PI4KA: variants seen among roughly 807,000 people sequenced by gnomAD.
PI4KA encodes phosphatidylinositol 4-kinase alpha.
In PI4KA, 122 loss-of-function variants were observed where a neutral mutation model predicts 271.4. That is an observed-to-expected ratio of 0.45 (90% CI 0.39 to 0.52). The LOEUF is 0.52. Among genes scored for constraint, PI4KA ranks in the 20% least tolerant of loss-of-function variants. PI4KA has a pLI of 0.00. For synonymous variants in PI4KA, 1,041 were observed against 1,078.8 expected (o/e 0.96, Z 0.69); for missense variants, 1,969 against 2,769.1 (o/e 0.71, Z 6.48).
chr22:20,713,297 C>G lies in PI4KA; in HGVS notation c.5555G>C (p.Gly1852Ala), dbSNP rs1741875901. 1 of 1,589,680 alleles carries G rather than the reference C, an allele frequency of 6.3e-7. No homozygotes were observed. The highest frequency in any genetic ancestry group is 8.6e-7 in the Non-Finnish European group (1 of 1,166,630). Residue 1852 changes from glycine (G) to alanine (A), a missense_variant, in exon 48 of 55, where the codon GGA becomes GCA. Coordinates refer to ENST00000255882, the MANE Select transcript of PI4KA (RefSeq NM_058004.4). ...CCTGCTTACCTGCCGGCAGTCGTCT[C>G]CCACCTTGAAGATGGCTGCCTGCCA... Reference protein sequence around the residue: ...ISWQAAIFKVGDDCRQDMLAL... With the variant: ...ISWQAAIFKVADDCRQDMLAL...
intron 19 of PI4KA, among the ~76,000 whole-genome samples, chr22:20,791,109 C>G (rs118185464): frequency 6.6e-6 from 1 of 152,150 alleles, no homozygotes; most frequent in Non-Finnish European, 1.5e-5. Context: ...CCAACCTCAC[C>G]ACTCACTGCT....
In PI4KA at chr22:20,709,961, G is replaced by T. The variant is rs143501359; in HGVS notation, c.6120C>A (p.Leu2040=). The T allele has an allele frequency of 1.9e-6, 3 of 1,613,612 alleles. No individual in the cohort carries two copies. The highest frequency in any genetic ancestry group is 2.7e-5 in the African/African-American group (2 of 74,900). The change falls in exon 53 of 55, where the codon CTC becomes CTA. Residue 2040 remains leucine (L), a synonymous_variant. Transcript: ENST00000255882. ...AACAGGGCAGGCCCGTGTCCAACAT[G>T]AGAGTGACCAGGGAGACGACCGCGT... The part of the protein sequence containing the change: ...YMDAVVSLVT[L]MLDTGLPCFR...
rs117311435 is a variant in PI4KA at position 20,779,094 on chromosome 22, T to C, written c.2329-13401A>G. The C allele has an allele frequency of 6.0e-3, 7,286 of 1,217,052 alleles. 63 individuals are homozygous for C. Among genetic ancestry groups the C allele is most frequent in the East Asian group, 0.048 (1,814 of 37,846 alleles). The allele number at this position is 1,217,052 out of a possible 1,614,324, so 75.4% of individuals were successfully genotyped here. ...CATCAAGGGGCCCACAGATCCTTCATTGAGGTTTATGAGTCCCACATCAAA... is the reference window on the plus strand; with the variant it reads ...CATCAAGGGGCCCACAGATCCTTCACTGAGGTTTATGAGTCCCACATCAAA... On this transcript the variant is annotated intron_variant, in intron 19 of 54. Transcript: ENST00000255882.
chr22:20,751,703 G>A lies in PI4KA; in HGVS notation c.3040C>T (p.Leu1014=), dbSNP rs377535545. 6.8e-6 allele frequency: 11 copies of A among 1,613,978 alleles called. No individual in the cohort carries two copies. The highest frequency in any genetic ancestry group is 1.6e-4 in the Middle Eastern group (1 of 6,082). The change falls in exon 26 of 55, where the codon CTG becomes TTG. Residue 1014 remains leucine, a synonymous_variant. Transcript: ENST00000255882. ...GTVLKTMLDI[L]QTLSLSLSAD... ...CTCAGTGACAGTGACAGGGTCTGCA[G>A]GATGTCCAGCATGGTCTTCAGCACA...
At chr22:20,775,076 C>G (rs1933158265) in intron 19 of PI4KA, among the ~76,000 whole-genome samples, 1 of 152,078 alleles carries the variant, frequency 6.6e-6, no homozygotes, top group South Asian at 2.1e-4. Flanking sequence ...CTCTGTTGGG[C>G]CTGGAGACCA....
At position 20,779,597 on chromosome 22, in the gene PI4KA, C is replaced by T. The variant is rs5906; in HGVS notation, c.2328+13596G>A. 9,444 of 1,614,172 alleles carry T rather than the reference C, an allele frequency of 5.9e-3. 78 individuals carry two copies. Among genetic ancestry groups the T allele is most frequent in the East Asian group, 0.048 (2,172 of 44,882 alleles). On this transcript the variant is annotated intron_variant, in intron 19 of 54. Transcript: ENST00000255882. ...GTGAAGACGACGACTACATCGACAT[C>T]GTCGACAGTCTGTCAGTTTCCCCGA...
intron 9 of PI4KA, among the ~76,000 whole-genome samples, chr22:20,808,739 T>TG (rs1935825805): frequency 6.6e-6 from 1 of 151,526 alleles, no homozygotes; most frequent in Admixed American, 6.6e-5. Flanking sequence ...AATGCAGTGG[T>TG]ATGATCACAG....
chr22:20,798,613 G>A lies in PI4KA; in HGVS notation c.2079C>T (p.Ala693=). Residue 693 remains alanine, a synonymous_variant, in exon 17 of 55, where the codon GCC becomes GCT. Coordinates refer to ENST00000255882, the MANE Select transcript of PI4KA (RefSeq NM_058004.4). ...AGCCGTGGTCCTTGTAATCTTTGGT[G>A]GCTGAGTATACAACGGAGCTGGCCT... ...SVKASSVVYS[A]TKDYKDHGYR... is the part of the protein sequence containing the mutation. 1 of 1,612,436 alleles carries A rather than the reference G, an allele frequency of 6.2e-7. No homozygotes were observed. The highest frequency in any genetic ancestry group is 8.5e-7 in the Non-Finnish European group (1 of 1,178,452).
At position 20,858,684 on chromosome 22, in the gene PI4KA, T is replaced by TCCGCCTCCGCCTCCGCCTCCC; in HGVS notation, c.21_41dup (p.Gly12_Gly18dup). 1 of 1,449,126 alleles carries TCCGCCTCCGCCTCCGCCTCCC rather than the reference T, an allele frequency of 6.9e-7. No homozygotes were observed. Among genetic ancestry groups the TCCGCCTCCGCCTCCGCCTCCC allele is most frequent in the East Asian group, 3.0e-5 (1 of 33,478 alleles). The allele number at this position is 1,449,126 out of a possible 1,614,324, so 89.8% of individuals were successfully genotyped here. A position where few individuals can be genotyped will look rare whatever the true frequency, so the allele number is the denominator to read the frequency against. ...CGGAGCCGGAGCAGCCGCCGCCGCC[T>TCCGCCTCCGCCTCCGCCTCCC]CCGCCTCCGCCTCCGCCTCCCCGGG... On this transcript the variant is annotated inframe_insertion, in exon 1 of 55. Transcript: ENST00000255882.
At chr22:20,819,151 T>C (rs957967617) in intron 6 of PI4KA, among the ~76,000 whole-genome samples, 1 of 152,218 alleles carries the variant, frequency 6.6e-6, no homozygotes, top group African/African-American at 2.4e-5. Context: ...AGGGAGGCAG[T>C]GTGTCATATG....
intron 42 of PI4KA, chr22:20,725,583 A>G (rs1362792623): frequency 2.2e-6 from 1 of 449,338 alleles, no homozygotes; most frequent in South Asian, 1.6e-5. Context: ...GTAAGGACTC[A>G]GGGAGAAGAT....
At position 20,761,305 on chromosome 22, in the gene PI4KA, A is replaced by C. The variant is rs147422009; in HGVS notation, c.2790T>G (p.Ser930=). Residue 930 remains serine, a splice_region_variant and synonymous_variant, in exon 23 of 55, where the codon TCT becomes TCG. Transcript: ENST00000255882. Reference sequence around the variant, plus strand: ...AAAGCACCATAATAATGAGCTTACCAGATTTGTCTTTCTGAATAGCTTTAT... The same window carrying C: ...AAAGCACCATAATAATGAGCTTACCCGATTTGTCTTTCTGAATAGCTTTAT... The part of the protein sequence containing the change: ...FEDKAIQKDK[S]GMMQCVIAVA... 6.3e-7 allele frequency: 1 copy of C among 1,581,344 alleles called. No individual in the cohort carries two copies. The highest frequency in any genetic ancestry group is 8.7e-7 in the Non-Finnish European group (1 of 1,150,028).
intron 16 of PI4KA, 34 bp downstream of exon 16, chr22:20,799,059 G>A: frequency 6.3e-7 from 1 of 1,577,336 alleles, no homozygotes; most frequent in Admixed American, 1.7e-5. Flanking sequence ...AGCTTGCACA[G>A]GGTTAGTGGT....
intron 1 of PI4KA, among the ~76,000 whole-genome samples, chr22:20,850,084 T>C (rs1188082396): frequency 6.6e-6 from 1 of 152,132 alleles, no homozygotes; most frequent in Non-Finnish European, 1.5e-5. Flanking sequence ...ACACTAAATA[T>C]GATGAACTGT....
In PI4KA at chr22:20,778,159, G is replaced by A. The variant is rs117949047; in HGVS notation, c.2329-12466C>T. Among the ~76,000 whole-genome samples, 1,151 of 152,168 alleles carry A rather than the reference G, an allele frequency of 7.6e-3. 11 individuals are homozygous for A. The highest frequency in any genetic ancestry group is 0.055 in the East Asian group (285 of 5,178). On this transcript the variant is annotated intron_variant, in intron 19 of 54. Transcript: ENST00000255882. ...GGCTGCCACCACATCACCTCACTAC[G>A]CCCTGAGGGGGTCTCAGCACTAGAC...
chr22:20,801,916 T>C lies in PI4KA; in HGVS notation c.1724+57A>G, dbSNP rs1935355746. The C allele has an allele frequency of 2.7e-5, 43 of 1,586,944 alleles. No individual in the cohort carries two copies. In the South Asian group the frequency reaches 3.1e-4, roughly 12 times the overall value. On this transcript the variant is annotated intron_variant, in intron 14 of 54. Coordinates refer to ENST00000255882, the MANE Select transcript of PI4KA (RefSeq NM_058004.4). ...AGAAGTATAAATGTCTCTTATTTTG[T>C]AATAACCCGCTTGTCTGGAGCACTG...
At chr22:20,745,286 T>TC (rs931318292) in intron 29 of PI4KA, among the ~76,000 whole-genome samples, 2 of 152,188 alleles carry the variant, frequency 1.3e-5, no homozygotes, top group South Asian at 2.1e-4. Flanking sequence ...AGCCTCAGCC[T>TC]CCCAGCCCCA....
intron 19 of PI4KA, among the ~76,000 whole-genome samples, chr22:20,788,611 C>T (rs865952135): frequency 6.6e-6 from 1 of 152,376 alleles, no homozygotes; most frequent in Non-Finnish European, 1.5e-5. Context: ...GCTCTGCCTC[C>T]TTACTCTGCT....
In PI4KA at chr22:20,713,367, C is replaced by T. The variant is rs375172038; in HGVS notation, c.5485G>A (p.Glu1829Lys). Reference protein sequence around the residue: ...KEGLRCRSDSEDECSTQEADG... With the variant: ...KEGLRCRSDSKDECSTQEADG... ...GCCTCCTGCGTGCTGCACTCATCCTCGGAGTCTGAGCGGCACCGCAGACCT... is the reference window on the plus strand; with the variant it reads ...GCCTCCTGCGTGCTGCACTCATCCTTGGAGTCTGAGCGGCACCGCAGACCT... The change falls in exon 48 of 55, where the codon GAG becomes AAG. Residue 1829 changes from glutamate (E) to lysine (K), a missense_variant. Transcript: ENST00000255882. 51 of 1,589,336 alleles carry T rather than the reference C, an allele frequency of 3.2e-5. No individual in the cohort carries two copies. The highest frequency in any genetic ancestry group is 9.4e-5 in the African/African-American group (7 of 74,242).
Sources: gnomAD v4.1 joint callset for allele counts (sites outside exome capture counted in the v4.1 genomes callset) on GRCh38, gnomAD v4.1.1 for gene constraint, MANE v1.5 for transcripts, NCBI Gene and HGNC (gene_info 2026-07-23, HGNC 2026-07-21) for gene names.